ADAMTS17: variants seen among roughly 807,000 people sequenced by gnomAD.
ADAMTS17 encodes the protein ADAM metallopeptidase with thrombospondin type 1 motif 17.
In ADAMTS17, 113 loss-of-function variants were observed where a neutral mutation model predicts 141.5. That is an observed-to-expected ratio of 0.80 (90% CI 0.69 to 0.93). The LOEUF (loss-of-function observed/expected upper bound fraction) is 0.93, where lower values mean the gene tolerates loss of function less well. Among genes scored for constraint, ADAMTS17 ranks in the 40% least tolerant of loss-of-function variants. The pLI is 0.00. For synonymous variants in ADAMTS17, 768 were observed against 630.6 expected, an observed-to-expected ratio of 1.22 and a Z score of -3.27; for missense variants, 1,659 against 1,517.9, an observed-to-expected ratio of 1.09 and a Z score of -1.54.
At chr15:100,312,883 A>G (rs2045448112) in intron 3 of ADAMTS17, among the ~76,000 whole-genome samples, 1 of 152,246 alleles carries the variant, frequency 6.6e-6, no homozygotes, top group Non-Finnish European at 1.5e-5. Flanking sequence ...TTAAGTAATA[A>G]TACATAAATA....
At chr15:100,172,761 G>A (rs886398503) in intron 8 of ADAMTS17, among the ~76,000 whole-genome samples, 7 of 152,198 alleles carry the variant, frequency 4.6e-5, no homozygotes, top group South Asian at 2.1e-4. Context: ...ATAAGATCCC[G>A]CACCCCTCCC....
At chr15:100,231,065 G>C (rs1236584809) in intron 7 of ADAMTS17, among the ~76,000 whole-genome samples, 3 of 152,242 alleles carry the variant, frequency 2.0e-5, no homozygotes, top group Non-Finnish European at 4.4e-5. Flanking sequence ...AACACAGAGA[G>C]AGCGCCTGCA....
At chr15:100,304,834 C>A (rs1249739427) in intron 3 of ADAMTS17, among the ~76,000 whole-genome samples, 1 of 152,186 alleles carries the variant, frequency 6.6e-6, no homozygotes, top group African/African-American at 2.4e-5. Context: ...CCCAAGACAG[C>A]AAGACCAACC....
chr15:100,071,437 A>C (rs1185306008), intron 15 of ADAMTS17, among the ~76,000 whole-genome samples: 1 of 149,822 alleles, frequency 6.7e-6, no homozygotes, highest in African/African-American at 2.5e-5. Context: ...GAGACACAAC[A>C]AAAAAAGAGA....
intron 2 of ADAMTS17, among the ~76,000 whole-genome samples, chr15:100,339,969 A>C (rs74038413): frequency 7.0e-4 from 107 of 152,332 alleles, no homozygotes; most frequent in African/African-American, 2.3e-3. Context: ...GGGCTGGAGA[A>C]TTCTAGATGG....
chr15:100,063,663 G>C (rs1372656577), intron 15 of ADAMTS17: 1 of 1,289,616 alleles, frequency 7.8e-7, no homozygotes, highest in Non-Finnish European at 1.0e-6. Flanking sequence ...GGTGAGTCAA[G>C]TCATTTGTGT....
chr15:100,140,488 C>CATAT (rs60035034), intron 10 of ADAMTS17, among the ~76,000 whole-genome samples: 2,995 of 124,954 alleles, frequency 0.024, 165 homozygotes, highest in African/African-American at 0.071. Flanking sequence ...CACATACATA[C>CATAT]ATATATATAT....
chr15:100,064,182 A>T (rs925775328), intron 15 of ADAMTS17, among the ~76,000 whole-genome samples: 2 of 152,184 alleles, frequency 1.3e-5, no homozygotes, highest in Admixed American at 6.5e-5. Flanking sequence ...GAAGGCAGAG[A>T]TGAAGTGATG....
At chr15:100,125,476 T>G (rs2037683022) in intron 12 of ADAMTS17, among the ~76,000 whole-genome samples, 1 of 152,130 alleles carries the variant, frequency 6.6e-6, no homozygotes, top group South Asian at 2.1e-4. Flanking sequence ...TTCTGGTGCA[T>G]GTGGGCGGCA....
chr15:99,982,045 A>T (rs1213381122), intron 20 of ADAMTS17, among the ~76,000 whole-genome samples: 2 of 152,216 alleles, frequency 1.3e-5, no homozygotes. Flanking sequence ...CAGGCAAATG[A>T]CTTAACCTCT....
In ADAMTS17 at chr15:100,254,174, T is replaced by C; in HGVS notation, c.1037A>G (p.Asp346Gly). The change falls in exon 7 of 22, where the codon GAT becomes GGT. Residue 346 changes from aspartate to glycine, a missense_variant. Physicochemically the swap from Asp to Gly is moderately conservative, Grantham distance 94. Coordinates refer to ENST00000268070, the MANE Select transcript of ADAMTS17 (RefSeq NM_139057.4). ...CGGTTCATCCTTGTGTACACAGAAATCTGTCCTAAAAAATAAAAAAGCCAT... is the reference window on the plus strand; with the variant it reads ...CGGTTCATCCTTGTGTACACAGAAACCTGTCCTAAAAAATAAAAAAGCCAT... ...VDAAVFVTRT[D>G]FCVHKDEPCD... The C allele has an allele frequency of 6.2e-7, 1 of 1,613,292 alleles. No individual in the cohort carries two copies. The highest frequency in any genetic ancestry group is 8.5e-7 in the Non-Finnish European group (1 of 1,179,332).
At chr15:100,097,196 C>T (rs2035814938) in intron 14 of ADAMTS17, among the ~76,000 whole-genome samples, 1 of 152,084 alleles carries the variant, frequency 6.6e-6, no homozygotes, top group South Asian at 2.1e-4. Flanking sequence ...AATTTTGTAT[C>T]CTGCAAAATA....
chr15:100,307,726 T>A (rs1407778118), intron 3 of ADAMTS17, among the ~76,000 whole-genome samples: 1 of 152,206 alleles, frequency 6.6e-6, no homozygotes, highest in Non-Finnish European at 1.5e-5. Flanking sequence ...CGATGTCACG[T>A]GCCGCGTGCA....
chr15:100,062,932 C>T (rs928886082), intron 15 of ADAMTS17, among the ~76,000 whole-genome samples: 3 of 152,192 alleles, frequency 2.0e-5, no homozygotes, highest in Non-Finnish European at 2.9e-5. Flanking sequence ...CCTCTGGGCA[C>T]CCTGCTGTCT....
chr15:100,196,887 C>A (rs1482556707), intron 8 of ADAMTS17, among the ~76,000 whole-genome samples: 1 of 152,186 alleles, frequency 6.6e-6, no homozygotes, highest in African/African-American at 2.4e-5. Flanking sequence ...AAAGACTTCC[C>A]TGGGAAACCT....
intron 15 of ADAMTS17, among the ~76,000 whole-genome samples, chr15:100,094,071 C>A (rs1404489222): frequency 6.7e-6 from 1 of 149,250 alleles, no homozygotes. Context: ...GTCACAGACT[C>A]CAGCTGTGAG....
chr15:100,140,911 G>A (rs551035286), intron 10 of ADAMTS17, among the ~76,000 whole-genome samples: 78 of 152,200 alleles, frequency 5.1e-4, no homozygotes, highest in Non-Finnish European at 7.1e-4. Context: ...TGGGCAGCAC[G>A]TCCCTGGGCT....
intron 10 of ADAMTS17, among the ~76,000 whole-genome samples, chr15:100,142,445 G>A (rs1015469859): frequency 6.6e-6 from 1 of 152,218 alleles, no homozygotes; most frequent in Non-Finnish European, 1.5e-5. Flanking sequence ...TGTGATCTCA[G>A]CTAAACAGTG....
intron 15 of ADAMTS17, among the ~76,000 whole-genome samples, chr15:100,070,519 C>T (rs1448071823): frequency 6.7e-6 from 1 of 149,988 alleles, no homozygotes; most frequent in Non-Finnish European, 1.5e-5. Flanking sequence ...AAATGTAAAA[C>T]AATAGAAATT....
Sources: allele counts gnomAD v4.1 joint callset (sites outside exome capture counted in the v4.1 genomes callset), GRCh38; gene constraint gnomAD v4.1.1; transcripts MANE v1.5; gene names NCBI Gene and HGNC (gene_info 2026-07-23, HGNC 2026-07-21).